Variants in AKAP5 observed in about 807,000 individuals in gnomAD.
AKAP5 encodes the protein A-kinase anchoring protein 5, also known as A-kinase anchor protein 5.
A neutral mutation model predicts 13.8 loss-of-function variants in AKAP5; 5 were observed. That is an observed-to-expected ratio of 0.36 (90% CI 0.19 to 0.76). The LOEUF (loss-of-function observed/expected upper bound fraction) is 0.76. Ranked by LOEUF, AKAP5 falls within the 30% of genes least tolerant of loss-of-function variation. The probability of loss-of-function intolerance (pLI) is 0.51; values close to 1 mark genes in which losing one functional copy is unlikely to be tolerated. For missense variants in AKAP5, 406 were observed against 484.4 expected (o/e 0.84, Z 1.52); for synonymous variants, 148 against 167.2 (o/e 0.89, Z 0.89).
At position 64,469,135 on chromosome 14, in the gene AKAP5, A is replaced by C; in HGVS notation, c.741A>C (p.Ala247=). The change falls in exon 2 of 2, where the codon GCA becomes GCC. Residue 247 remains alanine (A), a synonymous_variant. Transcript: ENST00000394718. The part of the protein sequence containing the change: ...KEKQDVQPQQ[A]SPLETSETDH... Reference sequence around the variant, plus strand: ...AACAAGATGTTCAACCCCAGCAAGCAAGCCCACTTGAAACTTCAGAAACAG... The same window carrying C: ...AACAAGATGTTCAACCCCAGCAAGCCAGCCCACTTGAAACTTCAGAAACAG... The C allele has an allele frequency of 6.2e-7, 1 of 1,614,160 alleles. No homozygotes were observed. Among genetic ancestry groups the C allele is most frequent in the Non-Finnish European group, 8.5e-7 (1 of 1,180,042 alleles).
Position 64,468,593 on chromosome 14 carries a change from G to A in AKAP5, c.199G>A (p.Gly67Arg), listed in dbSNP as rs1229449972. 1 of 1,613,850 alleles carries A rather than the reference G, an allele frequency of 6.2e-7. No homozygotes were observed. Among genetic ancestry groups the A allele is most frequent in the Non-Finnish European group, 8.5e-7 (1 of 1,180,024 alleles). ...GGCAAGGAAGTGTCCACAAGAAGCA[G>A]GAGCTTCTGATCAGCCAGAGCCCAC... Reference protein sequence around the residue: ...DVARKCPQEAGASDQPEPTRG... With the variant: ...DVARKCPQEARASDQPEPTRG... The change falls in exon 2 of 2, where the codon GGA becomes AGA. Residue 67 changes from glycine to arginine, a missense_variant. By Grantham distance (125) the Gly-to-Arg change is moderately radical. Transcript: ENST00000394718.
Position 64,473,681 on chromosome 14 carries a change from T to C in AKAP5, c.*4003T>C, listed in dbSNP as rs1050867883. On this transcript the variant is annotated 3_prime_UTR_variant, in exon 2 of 2. Transcript: ENST00000394718. The stretch of plus-strand genomic sequence containing the variant: ...TTTAGAATCCCACTGTTTGAAAAGA[T>C]CCTTTTAATGTCAACTTTATTGAAA... 6.0e-6 allele frequency: 1 copy of C among 167,056 alleles called. No homozygotes were observed. Among genetic ancestry groups the C allele is most frequent in the Non-Finnish European group, 1.5e-5 (1 of 68,116 alleles). The allele number at this position is 167,056 out of a possible 1,614,324, so 10.3% of individuals were successfully genotyped here. A position where few individuals can be genotyped will look rare whatever the true frequency, so the allele number is the denominator to read the frequency against.
rs1555341101 is a variant in AKAP5 at position 64,470,610 on chromosome 14, A to AG, written c.*933dup. On this transcript the variant is annotated 3_prime_UTR_variant, in exon 2 of 2. Coordinates refer to ENST00000394718, the MANE Select transcript of AKAP5 (RefSeq NM_004857.3). ...TTCTCAAAAAAAAAAAAAAAAAAAA[A>AG]GAGAACCATTCACAAATCCTTCAAT... 8.9e-4 allele frequency: 134 copies of AG among 151,382 alleles called. 16 individuals carry two copies. The highest frequency in any genetic ancestry group is 3.7e-3 in the Middle Eastern group (1 of 272). 9.4% of individuals were successfully genotyped at this position (151,382 alleles called of 1,614,324 possible).
rs367981390 is a variant in AKAP5, at chr14:64,471,629, T to TCC, written c.*1953_*1954dup. On this transcript the variant is annotated 3_prime_UTR_variant, in exon 2 of 2. Coordinates refer to ENST00000394718, the MANE Select transcript of AKAP5 (RefSeq NM_004857.3). Reference sequence around the variant, plus strand: ...AATGGCCATAATACCAGAGTGCACTTCCCTACCTCACAGGTTAGGATTCAA... The same window carrying TCC: ...AATGGCCATAATACCAGAGTGCACTTCCCCCTACCTCACAGGTTAGGATTCAA... The TCC allele has an allele frequency of 4.5e-4, 75 of 167,224 alleles. No individual in the cohort carries two copies. The highest frequency in any genetic ancestry group is 1.7e-3 in the African/African-American group (72 of 41,578). The allele number at this position is 167,224 out of a possible 1,614,324, so 10.4% of individuals were successfully genotyped here.
intron 1 of AKAP5, chr14:64,467,583 T>C (rs899370273): frequency 2.0e-5 from 3 of 152,026 alleles, no homozygotes; most frequent in East Asian, 1.9e-4. Flanking sequence ...AGAAACCTTA[T>C]GTTATAATGG....
intron 1 of AKAP5, among the ~76,000 whole-genome samples, chr14:64,466,933 T>C (rs930022766): frequency 2.6e-5 from 4 of 152,194 alleles, no homozygotes; most frequent in African/African-American, 9.7e-5. Context: ...AGTTTGCCAA[T>C]TGCATAGTTT....
chr14:64,468,680 A>C lies in AKAP5; in HGVS notation c.286A>C (p.Lys96Gln), dbSNP rs748640939. Residue 96 changes from lysine (K) to glutamine (Q), a missense_variant, in exon 2 of 2, where the codon AAG becomes CAG. Coordinates refer to ENST00000394718, the MANE Select transcript of AKAP5 (RefSeq NM_004857.3). Reference protein sequence around the residue: ...VTRRKRSESSKQQKPLEGEMQ... With the variant: ...VTRRKRSESSQQQKPLEGEMQ... Reference sequence around the variant, plus strand: ...ACGCAGGAAAAGGTCAGAGTCTTCAAAGCAGCAAAAGCCATTGGAGGGTGA... The same window carrying C: ...ACGCAGGAAAAGGTCAGAGTCTTCACAGCAGCAAAAGCCATTGGAGGGTGA... The C allele has an allele frequency of 7.4e-6, 12 of 1,613,984 alleles. No individual in the cohort carries two copies. The Middle Eastern group carries it at 9.9e-4, about 133-fold the overall frequency.
chr14:64,472,376 C>T lies in AKAP5; in HGVS notation c.*2698C>T, dbSNP rs527968530. ...AACAAGCAAAAAGTATAGTACTTAG[C>T]AGTTATTGGAAATATTTTGGGGGAT... is the stretch of plus-strand genomic sequence containing the variant. On this transcript the variant is annotated 3_prime_UTR_variant, in exon 2 of 2. Transcript: ENST00000394718. 34 of 166,896 alleles carry T rather than the reference C, an allele frequency of 2.0e-4. No homozygotes were observed. Among genetic ancestry groups the T allele is most frequent in the African/African-American group, 8.0e-4 (33 of 41,474 alleles). The allele number at this position is 166,896 out of a possible 1,614,324, so 10.3% of individuals were successfully genotyped here.
rs1300981416 is a variant in AKAP5, at chr14:64,470,617, C to T, written c.*939C>T. On this transcript the variant is annotated 3_prime_UTR_variant, in exon 2 of 2. Transcript: ENST00000394718. ...AAAAAAAAAAAAAAAAAAAGAGAAC[C>T]ATTCACAAATCCTTCAATCAGGCAA... 1 of 161,822 alleles carries T rather than the reference C, an allele frequency of 6.2e-6. No homozygotes were observed. Among genetic ancestry groups the T allele is most frequent in the African/African-American group, 2.5e-5 (1 of 40,224 alleles). The allele number at this position is 161,822 out of a possible 1,614,324, so 10.0% of individuals were successfully genotyped here. A position where few individuals can be genotyped will look rare whatever the true frequency, so the allele number is the denominator to read the frequency against.
rs191459276 is a variant in AKAP5, at chr14:64,471,850, T to C, written c.*2172T>C. ...TGGATTGCATATAGAAAGTATTTGC[T>C]ACTTTGTCCTACAGAATCATCTTCA... On this transcript the variant is annotated 3_prime_UTR_variant, in exon 2 of 2. Coordinates refer to ENST00000394718, the MANE Select transcript of AKAP5 (RefSeq NM_004857.3). 5.4e-5 allele frequency: 9 copies of C among 167,122 alleles called. No individual in the cohort carries two copies. The Admixed American group carries it at 5.9e-4, about 11-fold the overall frequency. 10.4% of individuals were successfully genotyped at this position (167,122 alleles called of 1,614,324 possible). A position where few individuals can be genotyped will look rare whatever the true frequency, so the allele number is the denominator to read the frequency against.
rs2078650243 is a variant in AKAP5, at chr14:64,469,902, A to G, written c.*224A>G. ...AGGAAGTCAGCACAGATTGCAGTGT[A>G]AAATGACATAACATACAGGGAGTTG... is the stretch of plus-strand genomic sequence containing the variant. On this transcript the variant is annotated 3_prime_UTR_variant, in exon 2 of 2. Transcript: ENST00000394718. 6 of 411,664 alleles carry G rather than the reference A, an allele frequency of 1.5e-5. No individual in the cohort carries two copies. Among genetic ancestry groups the G allele is most frequent in the Non-Finnish European group, 2.7e-5 (6 of 225,528 alleles). 25.5% of individuals were successfully genotyped at this position (411,664 alleles called of 1,614,324 possible).
intron 1 of AKAP5, chr14:64,467,406 A>T (rs1224951934): frequency 6.6e-6 from 1 of 152,350 alleles, no homozygotes; most frequent in South Asian, 2.1e-4. Flanking sequence ...ACTTCCAACT[A>T]TGTGCAGATT....
Position 64,468,675 on chromosome 14 carries a change from C to T in AKAP5, c.281C>T (p.Ser94Phe). The T allele has an allele frequency of 6.2e-7, 1 of 1,614,064 alleles. No individual in the cohort carries two copies. Among genetic ancestry groups the T allele is most frequent in the Non-Finnish European group, 8.5e-7 (1 of 1,180,044 alleles). The stretch of plus-strand genomic sequence containing the variant: ...GTAACACGCAGGAAAAGGTCAGAGT[C>T]TTCAAAGCAGCAAAAGCCATTGGAG... ...RLVTRRKRSE[S>F]SKQQKPLEGE... The change falls in exon 2 of 2, where the codon TCT becomes TTT. Residue 94 changes from serine (S) to phenylalanine (F), a missense_variant. Coordinates refer to ENST00000394718, the MANE Select transcript of AKAP5 (RefSeq NM_004857.3).
Position 64,469,488 on chromosome 14 carries a change from C to T in AKAP5, c.1094C>T (p.Ser365Leu). 1 of 1,613,078 alleles carries T rather than the reference C, an allele frequency of 6.2e-7. No homozygotes were observed. Among genetic ancestry groups the T allele is most frequent in the Non-Finnish European group, 8.5e-7 (1 of 1,179,774 alleles). Residue 365 changes from serine to leucine, a missense_variant, in exon 2 of 2, where the codon TCA becomes TTA. Physicochemically the swap from Ser to Leu is moderately radical, Grantham distance 145. Transcript: ENST00000394718. Reference protein sequence around the residue: ...SKNVPKQFLISAENEQVGVFA... With the variant: ...SKNVPKQFLILAENEQVGVFA... ...AATGTCCCTAAGCAATTCTTAATTTCAGCTGAAAATGAGCAAGTAGGGGTT... is the reference window on the plus strand; with the variant it reads ...AATGTCCCTAAGCAATTCTTAATTTTAGCTGAAAATGAGCAAGTAGGGGTT...
At position 64,468,420 on chromosome 14, in the gene AKAP5, A is replaced by T; in HGVS notation, c.26A>T (p.His9Leu). Residue 9 changes from histidine (H) to leucine (L), a missense_variant, in exon 2 of 2, where the codon CAT (histidine) becomes CTT (leucine). Transcript: ENST00000394718. ...ATGGAAACCACAATTTCAGAAATTC[A>T]TGTAGAAAACAAGGATGAGAAGAGA... METTISEI[H>L]VENKDEKRSA... 6.2e-7 allele frequency: 1 copy of T among 1,603,876 alleles called. No individual in the cohort carries two copies. The highest frequency in any genetic ancestry group is 2.2e-5 in the East Asian group (1 of 44,826).
At position 64,469,273 on chromosome 14, in the gene AKAP5, C is replaced by G. The variant is rs753619180; in HGVS notation, c.879C>G (p.Asp293Glu). 6.2e-7 allele frequency: 1 copy of G among 1,613,440 alleles called. No homozygotes were observed. The highest frequency in any genetic ancestry group is 8.5e-7 in the Non-Finnish European group (1 of 1,179,942). Residue 293 changes from aspartate (D) to glutamate (E), a missense_variant, in exon 2 of 2, where the codon GAC (aspartate) becomes GAG (glutamate). Asp to Glu is a conservative substitution (Grantham distance 45, BLOSUM62 2). Transcript: ENST00000394718. ...TAGAAAGTGCACCAAATGGAAAAGA[C>G]TATGAAAGTACAGAGATTGTAGCTG... ...STLESAPNGK[D>E]YESTEIVAEE...
In AKAP5 at chr14:64,469,813, A is replaced by G. The variant is rs924797397; in HGVS notation, c.*135A>G. On this transcript the variant is annotated 3_prime_UTR_variant, in exon 2 of 2. Coordinates refer to ENST00000394718, the MANE Select transcript of AKAP5 (RefSeq NM_004857.3). ...TTAAAAGGTACAATTCCAGCGCAGA[A>G]GTGCTAAAGATTAAGTCAAGTTTAT... is the stretch of plus-strand genomic sequence containing the variant. The G allele has an allele frequency of 1.5e-6, 1 of 653,042 alleles. No individual in the cohort carries two copies. Among genetic ancestry groups the G allele is most frequent in the South Asian group, 2.6e-5 (1 of 38,982 alleles). The allele number at this position is 653,042 out of a possible 1,614,324, so 40.5% of individuals were successfully genotyped here.
At chr14:64,467,033 A>G (rs2078619248) in intron 1 of AKAP5, 1 of 152,234 alleles carries the variant, frequency 6.6e-6, no homozygotes, top group Admixed American at 6.5e-5. Context: ...AATGACAAGA[A>G]CTCAGTCTAC....
rs1338535765 is a variant in AKAP5, at chr14:64,470,935, C to T, written c.*1257C>T. On this transcript the variant is annotated 3_prime_UTR_variant, in exon 2 of 2. Coordinates refer to ENST00000394718, the MANE Select transcript of AKAP5 (RefSeq NM_004857.3). ...AGGGGAGAGTAGATTCAAAGCCAGCCTGGTAGTAATGGTCCTGGAAAATCC... is the reference window on the plus strand; with the variant it reads ...AGGGGAGAGTAGATTCAAAGCCAGCTTGGTAGTAATGGTCCTGGAAAATCC... 6.0e-6 allele frequency: 1 copy of T among 166,922 alleles called. No homozygotes were observed. The highest frequency in any genetic ancestry group is 1.5e-5 in the Non-Finnish European group (1 of 68,094). The allele number at this position is 166,922 out of a possible 1,614,324, so 10.3% of individuals were successfully genotyped here. A position where few individuals can be genotyped will look rare whatever the true frequency, so the allele number is the denominator to read the frequency against.
Sources: gnomAD v4.1 joint callset for allele counts (sites outside exome capture counted in the v4.1 genomes callset) on GRCh38, gnomAD v4.1.1 for gene constraint, MANE v1.5 for transcripts, NCBI Gene and HGNC (gene_info 2026-07-23, HGNC 2026-07-21) for gene names.